TMEM131L: variants seen among roughly 807,000 people sequenced by gnomAD.
The protein encoded by TMEM131L is transmembrane 131 like.
A neutral mutation model predicts 192.2 loss-of-function variants in TMEM131L; 54 were observed. The ratio of observed to expected loss-of-function variants is 0.28; its 90% CI spans 0.23 to 0.35. The LOEUF (loss-of-function observed/expected upper bound fraction) is 0.35. Ranked by LOEUF, TMEM131L falls within the 10% of genes least tolerant of loss-of-function variation. The pLI, the probability that TMEM131L is intolerant of heterozygous loss-of-function variation, is 1.00. For missense variants in TMEM131L, 1,888 were observed against 1,972.9 expected, an observed-to-expected ratio of 0.96 and a Z score of 0.82; for synonymous variants, 701 against 704.9, an observed-to-expected ratio of 0.99 and a Z score of 0.09.
chr4:153,508,152 C>A (rs887519749), intron 3 of TMEM131L, among the ~76,000 whole-genome samples: 34 of 152,090 alleles, frequency 2.2e-4, no homozygotes, highest in African/African-American at 8.0e-4. Context: ...TTTAGCATTA[C>A]CTCTGGGGAA....
chr4:153,556,977 A>C lies in TMEM131L; in HGVS notation c.444A>C (p.Ala148=). 1.3e-6 allele frequency: 2 copies of C among 1,581,046 alleles called. No individual in the cohort carries two copies. Among genetic ancestry groups the C allele is most frequent in the South Asian group, 2.3e-5 (2 of 88,792 alleles). ...VPPVPCRVIP[A]MGKTSFRIIF... is the part of the protein sequence containing the mutation. ...GACCTTTCTTTCAGGTAATTCCAGC[A>C]ATGGGGAAAACTTCCTTCAGAATTA... The change falls in exon 6 of 35, where the codon GCA becomes GCC. Residue 148 remains alanine, a synonymous_variant. Coordinates refer to ENST00000409959, the MANE Select transcript of TMEM131L (RefSeq NM_001131007.2).
intron 7 of TMEM131L, among the ~76,000 whole-genome samples, chr4:153,570,939 C>T (rs540188310): frequency 6.6e-6 from 1 of 152,246 alleles, no homozygotes; most frequent in South Asian, 2.1e-4. Flanking sequence ...GTCGGCTGTT[C>T]CCCCAGGACT....
intron 26 of TMEM131L, among the ~76,000 whole-genome samples, chr4:153,619,024 A>G (rs936470006): frequency 1.3e-5 from 2 of 151,548 alleles, no homozygotes; most frequent in Admixed American, 1.3e-4. Flanking sequence ...TCTTTGTCAT[A>G]CTCACGGAGA....
At chr4:153,517,100 C>T (rs1352710884) in intron 3 of TMEM131L, among the ~76,000 whole-genome samples, 1 of 152,226 alleles carries the variant, frequency 6.6e-6, no homozygotes, top group East Asian at 1.9e-4. Flanking sequence ...GCTGGGATTA[C>T]AGGCGTGAGC....
chr4:153,493,345 C>CAAAAAAAAAAA (rs35052272), intron 3 of TMEM131L, among the ~76,000 whole-genome samples: 4 of 72,876 alleles, frequency 5.5e-5, no homozygotes, highest in Admixed American at 1.5e-4. Flanking sequence ...GACTCTGTCT[C>CAAAAAAAAAAA]AAAAAAAAAA....
intron 3 of TMEM131L, among the ~76,000 whole-genome samples, chr4:153,503,942 A>G (rs769975193): frequency 4.6e-5 from 7 of 152,210 alleles, no homozygotes; most frequent in Non-Finnish European, 8.8e-5. Flanking sequence ...AATATACTGT[A>G]TAGTGAATGT....
Position 153,602,172 on chromosome 4 carries a change from A to T in TMEM131L, c.2287A>T (p.Ile763Phe). ...CRRQLKDSKQ[I>F]LSITKNFKVE... ...ATTAGAACTGAAAGACAGTAAGCAA[A>T]TTTTATCTATTACAAAGAACTTTAA... is the stretch of plus-strand genomic sequence containing the variant. Residue 763 changes from isoleucine (I) to phenylalanine (F), a missense_variant, in exon 22 of 35, where the codon ATT (isoleucine) becomes TTT (phenylalanine). By Grantham distance (21) the Ile-to-Phe change is conservative (BLOSUM62 0). Transcript: ENST00000409959. 1 of 1,597,174 alleles carries T rather than the reference A, an allele frequency of 6.3e-7. No homozygotes were observed. The highest frequency in any genetic ancestry group is 8.5e-7 in the Non-Finnish European group (1 of 1,172,084).
intron 19 of TMEM131L, among the ~76,000 whole-genome samples, chr4:153,595,049 T>A (rs1427573501): frequency 6.6e-6 from 1 of 152,210 alleles, no homozygotes; most frequent in Non-Finnish European, 1.5e-5. Flanking sequence ...TCTATGACTG[T>A]TTTTCCCAAG....
chr4:153,534,155 A>G (rs1008408469), intron 3 of TMEM131L, among the ~76,000 whole-genome samples: 2 of 152,242 alleles, frequency 1.3e-5, no homozygotes, highest in African/African-American at 4.8e-5. Flanking sequence ...TCACTCAACA[A>G]ATGTTACCGA....
intron 25 of TMEM131L, among the ~76,000 whole-genome samples, chr4:153,606,919 A>T (rs1351316209): frequency 6.6e-6 from 1 of 152,136 alleles, no homozygotes; most frequent in Non-Finnish European, 1.5e-5. Flanking sequence ...TTAGCAGGAG[A>T]TTCCTCCCAG....
At chr4:153,580,022 C>G (rs1260025497) in intron 7 of TMEM131L, among the ~76,000 whole-genome samples, 1 of 152,070 alleles carries the variant, frequency 6.6e-6, no homozygotes, top group Non-Finnish European at 1.5e-5. Context: ...GGTGGAGTAC[C>G]TTTTTCTAAT....
intron 3 of TMEM131L, among the ~76,000 whole-genome samples, chr4:153,515,385 G>A (rs780690209): frequency 5.3e-5 from 8 of 152,130 alleles, no homozygotes; most frequent in Non-Finnish European, 1.2e-4. Context: ...TTAGCTTAAT[G>A]TTTTCGGGGT....
Position 153,582,423 on chromosome 4 carries a change from T to TTTTTG in TMEM131L, c.893-763_893-762insGTTTT, listed in dbSNP as rs1561212469. 1.8e-4 allele frequency among the ~76,000 whole-genome samples: 24 copies of TTTTTG among 130,582 alleles called. 2 individuals carry two copies. The highest frequency in any genetic ancestry group is 9.6e-4 in the African/African-American group (24 of 24,914). The allele number at this position is 130,582 out of a possible 152,430, so 85.7% of individuals were successfully genotyped here. Reference sequence around the variant, plus strand: ...CTATGCCTGGCTAATTTAAACCGTTTTTTTTTGTTGTTTTTTTTTTTTTTT... The same window carrying TTTTTG: ...CTATGCCTGGCTAATTTAAACCGTTTTTTTGTTTTTTGTTGTTTTTTTTTTTTTTT... On this transcript the variant is annotated intron_variant, in intron 9 of 34. Transcript: ENST00000409959.
At chr4:153,476,449 G>A (rs1360858880) in intron 3 of TMEM131L, among the ~76,000 whole-genome samples, 1 of 152,152 alleles carries the variant, frequency 6.6e-6, no homozygotes, top group Non-Finnish European at 1.5e-5. Flanking sequence ...TGTAATCACA[G>A]CACTTTGGGA....
chr4:153,603,235 A>G (rs1002454119), intron 23 of TMEM131L, 68 bp from the exon 24 acceptor site: 57 of 1,361,550 alleles, frequency 4.2e-5, no homozygotes, highest in Non-Finnish European at 5.3e-5. Context: ...ACTCTTCTGT[A>G]ATGAAACTAG....
At chr4:153,617,686 G>A (rs1035378093) in intron 26 of TMEM131L, among the ~76,000 whole-genome samples, 4 of 152,202 alleles carry the variant, frequency 2.6e-5, no homozygotes, top group African/African-American at 9.7e-5. Context: ...CCACACTTCA[G>A]AGGCAGACAC....
chr4:153,614,593 A>G (rs907035810), intron 26 of TMEM131L, among the ~76,000 whole-genome samples: 3 of 152,174 alleles, frequency 2.0e-5, no homozygotes, highest in African/African-American at 7.2e-5. Flanking sequence ...AATGAAGGTA[A>G]TAATTGGATG....
intron 10 of TMEM131L, 22 bp from the exon 11 acceptor site, chr4:153,583,542 T>C: frequency 2.0e-6 from 3 of 1,492,500 alleles, no homozygotes; most frequent in Non-Finnish European, 2.8e-6. Flanking sequence ...AGTAGTCACA[T>C]GGGACTTTTC....
At chr4:153,476,047 C>G (rs537284703) in intron 3 of TMEM131L, among the ~76,000 whole-genome samples, 1 of 151,568 alleles carries the variant, frequency 6.6e-6, no homozygotes, top group Admixed American at 6.6e-5. Flanking sequence ...CAACCTCCCC[C>G]TCCTGGGTTC....
Sources: allele counts gnomAD v4.1 joint callset (sites outside exome capture counted in the v4.1 genomes callset), GRCh38; gene constraint gnomAD v4.1.1; transcripts MANE v1.5; gene names NCBI Gene and HGNC (gene_info 2026-07-23, HGNC 2026-07-21).